Variants in ACAT1 observed in about 807,000 individuals in gnomAD.
ACAT1 encodes the protein acetyl-CoA acetyltransferase, mitochondrial.
In ACAT1, 28 loss-of-function variants were observed where a neutral mutation model predicts 47.3. The observed-to-expected ratio is 0.59, with a 90% CI of 0.44 to 0.81. The LOEUF (loss-of-function observed/expected upper bound fraction) is 0.81, where lower values mean the gene tolerates loss of function less well. ACAT1 is among the 30% of genes least tolerant of loss of function. The pLI is 0.00. For synonymous variants in ACAT1, 181 were observed against 173.6 expected (o/e 1.04, Z -0.34); for missense variants, 469 against 524.3 (o/e 0.89, Z 1.03).
chr11:108,121,836 AG>A, intron 1 of ACAT1, 158 bp downstream of exon 1: 1 of 742,422 alleles, frequency 1.3e-6, no homozygotes, highest in Non-Finnish European at 2.2e-6. Context: ...AAACCGCCTA[AG>A]TGCTCCGATA....
At position 108,143,965 on chromosome 11, in the gene ACAT1, C is replaced by A. The variant is rs1254901206; in HGVS notation, c.941-18C>A. 22 of 1,156,892 alleles carry A rather than the reference C, an allele frequency of 1.9e-5. No homozygotes were observed. The highest frequency in any genetic ancestry group is 3.6e-5 in the South Asian group (3 of 83,082). 71.7% of individuals were successfully genotyped at this position (1,156,892 alleles called of 1,614,324 possible). On this transcript the variant is annotated intron_variant, in intron 9 of 11. Coordinates refer to ENST00000265838, the MANE Select transcript of ACAT1 (RefSeq NM_000019.4). The stretch of plus-strand genomic sequence containing the variant: ...AAAAAAAGATTTTAACAACCCCCCC[C>A]CCCCTTTTTTTAAACAGCATTTGCT...
In ACAT1 at chr11:108,133,894, T is replaced by G; in HGVS notation, c.195T>G (p.Thr65=). The change falls in exon 3 of 12, where the codon ACT becomes ACG. Residue 65 remains threonine, a synonymous_variant. Transcript: ENST00000265838. ...FLGSLSLLPA[T]KLGSIAIQGA... is the part of the protein sequence containing the mutation. ...GCAGCCTTTCCTTGCTGCCAGCCAC[T>G]AAGCTTGGTTCCATTGCAATTCAGG... 1.2e-6 allele frequency: 2 copies of G among 1,614,158 alleles called. No individual in the cohort carries two copies. Among genetic ancestry groups the G allele is most frequent in the Non-Finnish European group, 1.7e-6 (2 of 1,180,022 alleles).
rs73559264 is a variant in ACAT1 at position 108,144,020 on chromosome 11, A to C, written c.978A>C (p.Pro326=). 1.8e-3 allele frequency: 2,551 copies of C among 1,383,334 alleles called. 42 individuals are homozygous for C. The African/African-American group carries it at 0.034, about 18-fold the overall frequency. The allele number at this position is 1,383,334 out of a possible 1,614,324, so 85.7% of individuals were successfully genotyped here. ...CTGCTGTAGAACCTATTGATTTTCC[A>C]ATTGCTCCTGTATATGCTGCATCTA... ...ADAAVEPIDF[P]IAPVYAASMV... Residue 326 remains proline (P), a synonymous_variant, in exon 10 of 12, where the codon CCA becomes CCC. Transcript: ENST00000265838.
At chr11:108,136,053 TC>T (rs1299863721) in intron 5 of ACAT1, 1 of 656,998 alleles carries the variant, frequency 1.5e-6, no homozygotes, top group Middle Eastern at 2.4e-4. Flanking sequence ...CTGATCTATA[TC>T]TTGTCTTTAC....
chr11:108,144,802 CAG>C lies in ACAT1; in HGVS notation c.1005+757_1005+758del, dbSNP rs1214838875. 5.3e-5 allele frequency among the ~76,000 whole-genome samples: 8 copies of C among 152,098 alleles called. No individual in the cohort carries two copies. The East Asian group carries it at 1.5e-3, about 29-fold the overall frequency. ...TGATCTGCTCAGAGCTAGCAGATCTCAGAAAATGAAAGGAACACGCAGCTTCT... is the reference window on the plus strand; with the variant it reads ...TGATCTGCTCAGAGCTAGCAGATCTCAAAATGAAAGGAACACGCAGCTTCT... On this transcript the variant is annotated intron_variant, in intron 10 of 11. Transcript: ENST00000265838.
rs542049770 is a variant in ACAT1, at chr11:108,134,570, G to A, written c.334+254G>A. On this transcript the variant is annotated intron_variant, in intron 4 of 11. Coordinates refer to ENST00000265838, the MANE Select transcript of ACAT1 (RefSeq NM_000019.4). ...GGAGCATCGCTTGAACCCAGGAGGC[G>A]GAGGTTGCAGTGAGCCAAGATTGCA... 3.0e-5 allele frequency: 9 copies of A among 295,934 alleles called. No homozygotes were observed. The East Asian group carries it at 4.0e-4, about 13-fold the overall frequency. The allele number at this position is 295,934 out of a possible 1,614,324, so 18.3% of individuals were successfully genotyped here.
At position 108,134,838 on chromosome 11, in the gene ACAT1, C is replaced by T. The variant is rs143301934; in HGVS notation, c.335-304C>T. 6.6e-3 allele frequency among the ~76,000 whole-genome samples: 923 copies of T among 139,270 alleles called. 5 individuals are homozygous for T. Among genetic ancestry groups the T allele is most frequent in the East Asian group, 0.011 (50 of 4,472 alleles). 91.4% of individuals were successfully genotyped at this position (139,270 alleles called of 152,430 possible). On this transcript the variant is annotated intron_variant, in intron 4 of 11. Transcript: ENST00000265838. ...CCAGCACCTGTAGTCCCAGCTACTCCGGAGGCTGAGGCAGGAGAATGGCGT... is the reference window on the plus strand; with the variant it reads ...CCAGCACCTGTAGTCCCAGCTACTCTGGAGGCTGAGGCAGGAGAATGGCGT...
At chr11:108,122,671 C>G (rs989675218) in intron 1 of ACAT1, among the ~76,000 whole-genome samples, 2 of 151,974 alleles carry the variant, frequency 1.3e-5, no homozygotes, top group Non-Finnish European at 2.9e-5. Context: ...AGTGAGGGTG[C>G]GAAGCCAAGG....
intron 10 of ACAT1, among the ~76,000 whole-genome samples, chr11:108,144,502 G>T (rs2077662332): frequency 6.6e-6 from 1 of 152,064 alleles, no homozygotes; most frequent in Non-Finnish European, 1.5e-5. Flanking sequence ...TGTCAGTAAG[G>T]GCTATCCAAG....
chr11:108,122,177 C>T (rs1003633296), intron 1 of ACAT1, among the ~76,000 whole-genome samples: 5 of 152,158 alleles, frequency 3.3e-5, no homozygotes, highest in African/African-American at 9.7e-5. Flanking sequence ...TTGGAGCAGC[C>T]TGAAATTTAT....
rs120074146 is a variant in ACAT1, at chr11:108,142,545, T to G, written c.935T>G (p.Ile312Arg). The change falls in exon 9 of 12, where the codon ATA (isoleucine) becomes AGA (arginine). Residue 312 changes from isoleucine to arginine, a missense_variant. Coordinates refer to ENST00000265838, the MANE Select transcript of ACAT1 (RefSeq NM_000019.4). ...KRLNVTPLAR[I>R]VAFADAAVEP... Reference sequence around the variant, plus strand: ...CTCAATGTTACACCACTGGCAAGAATAGTAGGTAAGGCCAGGCGAGGTGGC... The same window carrying G: ...CTCAATGTTACACCACTGGCAAGAAGAGTAGGTAAGGCCAGGCGAGGTGGC... The G allele has an allele frequency of 1.2e-6, 2 of 1,613,708 alleles. No individual in the cohort carries two copies. Among genetic ancestry groups the G allele is most frequent in the South Asian group, 1.1e-5 (1 of 91,074 alleles).
chr11:108,124,113 A>T (rs1164205079), intron 1 of ACAT1, among the ~76,000 whole-genome samples: 1 of 152,076 alleles, frequency 6.6e-6, no homozygotes, highest in East Asian at 1.9e-4. Flanking sequence ...AAGCCAGAAT[A>T]ATTTGTCTGT....
chr11:108,129,217 T>G (rs973235029), intron 1 of ACAT1: 9 of 152,254 alleles, frequency 5.9e-5, no homozygotes, highest in African/African-American at 2.2e-4. Context: ...TGCCATTATT[T>G]CATTCCTTGT....
rs968451880 is a variant in ACAT1, at chr11:108,147,413, A to G, written c.*23A>G. ...TAGACAACCTCTGCTATTTAAGGAGACAACCCTATGTGACCAGAAGGCCTG... is the reference window on the plus strand; with the variant it reads ...TAGACAACCTCTGCTATTTAAGGAGGCAACCCTATGTGACCAGAAGGCCTG... On this transcript the variant is annotated 3_prime_UTR_variant, in exon 12 of 12. Coordinates refer to ENST00000265838, the MANE Select transcript of ACAT1 (RefSeq NM_000019.4). The G allele has an allele frequency of 3.1e-6, 5 of 1,612,260 alleles. No individual in the cohort carries two copies. In the African/African-American group the frequency reaches 6.7e-5, roughly 22 times the overall value.
At chr11:108,125,379 A>G (rs2077228784) in intron 1 of ACAT1, among the ~76,000 whole-genome samples, 1 of 152,104 alleles carries the variant, frequency 6.6e-6, no homozygotes, top group Non-Finnish European at 1.5e-5. Context: ...TTCGTTTCTG[A>G]TATTGAAGGA....
At chr11:108,119,087 G>A (rs2077108249), upstream of ACAT1, among the ~76,000 whole-genome samples, 2 of 152,212 alleles carry the variant, frequency 1.3e-5, no homozygotes, top group Non-Finnish European at 2.9e-5. Flanking sequence ...CAAACTTCTG[G>A]AAAATGTGGA....
intron 2 of ACAT1, among the ~76,000 whole-genome samples, chr11:108,133,254 A>T (rs11212521): frequency 0.021 from 3,184 of 152,218 alleles, 113 homozygotes; most frequent in African/African-American, 0.072. Flanking sequence ...CCCACCTAGG[A>T]TACAGGTCTT....
intron 8 of ACAT1, 86 bp downstream of exon 8, chr11:108,141,786 T>G (rs112615500): frequency 1.4e-5 from 5 of 358,818 alleles, no homozygotes; most frequent in South Asian, 5.9e-5. Context: ...TTTTGAAAAA[T>G]TCTAGAAAAC....
chr11:108,141,371 A>C (rs1037909164), intron 7 of ACAT1, among the ~76,000 whole-genome samples: 19 of 112,600 alleles, frequency 1.7e-4, no homozygotes, highest in Middle Eastern at 4.5e-3. Context: ...CCCTGCCTCA[A>C]AAAAAAAAAA....
Sources: gnomAD v4.1 joint callset for allele counts (sites outside exome capture counted in the v4.1 genomes callset) on GRCh38, gnomAD v4.1.1 for gene constraint, MANE v1.5 for transcripts, NCBI Gene and HGNC (gene_info 2026-07-23, HGNC 2026-07-21) for gene names.